Variants in KLHL26 observed in about 807,000 individuals in gnomAD.
KLHL26 encodes kelch-like protein 26.
Under a neutral mutation model 7.1 loss-of-function variants are expected in KLHL26, and 4 were observed. The observed-to-expected ratio is 0.56, with a 90% confidence interval of 0.28 to 1.28. The LOEUF is 1.28. Among genes scored for constraint, KLHL26 ranks in the 50% most tolerant of loss-of-function variants. The pLI is 0.11. For missense variants in KLHL26, 896 were observed against 924.6 expected (o/e 0.97, Z 0.40); for synonymous variants, 465 against 414.1 (o/e 1.12, Z -1.49).
intron 2 of KLHL26, among the ~76,000 whole-genome samples, chr19:18,665,893 C>T (rs1044107146): frequency 6.6e-6 from 1 of 152,190 alleles, no homozygotes; most frequent in Non-Finnish European, 1.5e-5. Flanking sequence ...CCCCGAGGCC[C>T]GGGCCGCCTG....
chr19:18,667,679 C>T lies in KLHL26; in HGVS notation c.282C>T (p.Gly94=), dbSNP rs749758886. 40 of 1,611,062 alleles carry T rather than the reference C, an allele frequency of 2.5e-5. No homozygotes were observed. The East Asian group carries it at 6.7e-4, about 27-fold the overall frequency. ...CSDYFRAMFT[G]GMREASQDVI... is the part of the protein sequence containing the mutation. The stretch of plus-strand genomic sequence containing the variant: ...TGCCCTTCAGGGCCATGTTCACCGG[C>T]GGCATGCGGGAGGCAAGCCAGGACG... The change falls in exon 3 of 3, where the codon GGC becomes GGT. Residue 94 remains glycine (G), a synonymous_variant. Transcript: ENST00000300976.
Position 18,647,207 on chromosome 19 carries a change from G to A in KLHL26, c.83+10070G>A, listed in dbSNP as rs371697533. ...TCAACCTGAATCGTGCAGTGCGATC[G>A]TCACAGCTGGACTGTTTCCACCTGG... On this transcript the variant is annotated intron_variant, in intron 1 of 2. Coordinates refer to ENST00000300976, the MANE Select transcript of KLHL26 (RefSeq NM_018316.3). Among the ~76,000 whole-genome samples, 30 of 152,340 alleles carry A rather than the reference G, an allele frequency of 2.0e-4. No individual in the cohort carries two copies. The East Asian group carries it at 5.2e-3, about 26-fold the overall frequency.
chr19:18,655,435 C>T (rs565938954), intron 1 of KLHL26, among the ~76,000 whole-genome samples: 6 of 152,324 alleles, frequency 3.9e-5, no homozygotes, highest in Non-Finnish European at 5.9e-5. Flanking sequence ...AGGAAGGCCT[C>T]CTTTGGCCAA....
intron 1 of KLHL26, among the ~76,000 whole-genome samples, chr19:18,661,122 C>T (rs1234587403): frequency 2.0e-5 from 3 of 152,170 alleles, no homozygotes; most frequent in Non-Finnish European, 2.9e-5. Flanking sequence ...TGGTCATTTG[C>T]CCCTGCTTTG....
At chr19:18,663,554 A>C (rs1025995713) in intron 1 of KLHL26, among the ~76,000 whole-genome samples, 4 of 151,832 alleles carry the variant, frequency 2.6e-5, no homozygotes, top group Admixed American at 6.6e-5. Flanking sequence ...GGAATGGGAG[A>C]GCAAATTCCA....
intron 1 of KLHL26, among the ~76,000 whole-genome samples, chr19:18,651,305 A>G (rs1286453236): frequency 6.6e-6 from 1 of 151,998 alleles, no homozygotes; most frequent in African/African-American, 2.4e-5. Context: ...TAAAAATCCC[A>G]GGGAAGGCTC....
chr19:18,637,259 G>T, intron 1 of KLHL26, 122 bp downstream of exon 1: 6 of 1,072,252 alleles, frequency 5.6e-6, no homozygotes, highest in Non-Finnish European at 7.1e-6. Flanking sequence ...CTTTCGCTGA[G>T]AATTTGGACT....
At position 18,637,079 on chromosome 19, in the gene KLHL26, G is replaced by A. The variant is rs761307607; in HGVS notation, c.25G>A (p.Gly9Ser). The change falls in exon 1 of 3, where the codon GGT (glycine) becomes AGT (serine). Residue 9 changes from glycine to serine, a missense_variant. By Grantham distance (56) the Gly-to-Ser change is moderately conservative (BLOSUM62 0). Coordinates refer to ENST00000300976, the MANE Select transcript of KLHL26 (RefSeq NM_018316.3). The part of the protein sequence containing the change: MAESGGSS[G>S]GAGGGGAFGA... ...GATGGCGGAGTCCGGCGGTAGCAGC[G>A]GTGGTGCTGGTGGCGGCGGCGCTTT... The A allele has an allele frequency of 7.2e-7, 1 of 1,387,196 alleles. No homozygotes were observed. Among genetic ancestry groups the A allele is most frequent in the Non-Finnish European group, 9.4e-7 (1 of 1,069,134 alleles). The allele number at this position is 1,387,196 out of a possible 1,614,324, so 85.9% of individuals were successfully genotyped here. A position where few individuals can be genotyped will look rare whatever the true frequency, so the allele number is the denominator to read the frequency against.
At position 18,668,597 on chromosome 19, in the gene KLHL26, G is replaced by A; in HGVS notation, c.1200G>A (p.Gln400=). The change falls in exon 3 of 3, where the codon CAG becomes CAA. Residue 400 remains glutamine, a synonymous_variant. Transcript: ENST00000300976. ...LNRWLRLQAM[Q]ESRIQFQLNV... ...GCTGGCTGCGCCTGCAGGCCATGCA[G>A]GAAAGCCGCATCCAGTTCCAGCTGA... The A allele has an allele frequency of 6.3e-7, 1 of 1,589,090 alleles. No homozygotes were observed. Among genetic ancestry groups the A allele is most frequent in the Non-Finnish European group, 8.5e-7 (1 of 1,173,514 alleles).
At chr19:18,642,337 T>TTGTGTGTGTGTG (rs1568453946) in intron 1 of KLHL26, among the ~76,000 whole-genome samples, 9 of 67,656 alleles carry the variant, frequency 1.3e-4, no homozygotes, top group African/African-American at 7.3e-4. Context: ...GCTAGTCACC[T>TTGTGTGTGTGTG]AGTGTGTGTG....
At chr19:18,660,448 G>A (rs955733080) in intron 1 of KLHL26, among the ~76,000 whole-genome samples, 3 of 152,202 alleles carry the variant, frequency 2.0e-5, no homozygotes, top group African/African-American at 7.2e-5. Context: ...GCGGGTGACC[G>A]TCACTCGAGT....
chr19:18,641,297 C>A (rs753681556), intron 1 of KLHL26, among the ~76,000 whole-genome samples: 1 of 138,900 alleles, frequency 7.2e-6, no homozygotes. Context: ...ATGTTTGGGC[C>A]ATTTTTAAGT....
At chr19:18,647,968 C>T (rs1302436698) in intron 1 of KLHL26, among the ~76,000 whole-genome samples, 1 of 152,168 alleles carries the variant, frequency 6.6e-6, no homozygotes, top group Admixed American at 6.5e-5. Context: ...GCATACATGC[C>T]AGCAGGAGTT....
rs1491306652 is a variant in KLHL26, at chr19:18,650,625, GCA to G, written c.83+13491_83+13492del. On this transcript the variant is annotated intron_variant, in intron 1 of 2. Coordinates refer to ENST00000300976, the MANE Select transcript of KLHL26 (RefSeq NM_018316.3). This position sits in a 1 kb window ranked among gnomAD's most constrained non-coding sequence, Gnocchi z 4.2. ...TGTTTATACTCCACGTGAGTCACTT[GCA>G]CAGATGACGGGTGATGTTTTCCTCG... Among the ~76,000 whole-genome samples, 3 of 152,174 alleles carry G rather than the reference GCA, an allele frequency of 2.0e-5. No homozygotes were observed. The highest frequency in any genetic ancestry group is 7.2e-5 in the African/African-American group (3 of 41,430).
rs1274570715 is a variant in KLHL26, at chr19:18,637,066, C to T, written c.12C>T (p.Ser4=). The change falls in exon 1 of 3, where the codon TCC becomes TCT. Residue 4 remains serine, a synonymous_variant. Coordinates refer to ENST00000300976, the MANE Select transcript of KLHL26 (RefSeq NM_018316.3). ...ACGGCGGGGGGAAGATGGCGGAGTC[C>T]GGCGGTAGCAGCGGTGGTGCTGGTG... MAE[S]GGSSGGAGGG... The T allele has an allele frequency of 3.6e-6, 5 of 1,379,848 alleles. No homozygotes were observed. Among genetic ancestry groups the T allele is most frequent in the African/African-American group, 3.0e-5 (2 of 65,874 alleles). 85.5% of individuals were successfully genotyped at this position (1,379,848 alleles called of 1,614,324 possible). A position where few individuals can be genotyped will look rare whatever the true frequency, so the allele number is the denominator to read the frequency against.
rs1976630656 is a variant in KLHL26, at chr19:18,637,051, G to T, written c.-4G>T. 1.5e-6 allele frequency: 2 copies of T among 1,355,962 alleles called. No individual in the cohort carries two copies. The highest frequency in any genetic ancestry group is 1.7e-5 in the South Asian group (1 of 57,494). 84.0% of individuals were successfully genotyped at this position (1,355,962 alleles called of 1,614,324 possible). ...TCACTCGAACGCGCGACGGCGGGGGGAAGATGGCGGAGTCCGGCGGTAGCA... is the reference window on the plus strand; with the variant it reads ...TCACTCGAACGCGCGACGGCGGGGGTAAGATGGCGGAGTCCGGCGGTAGCA... On this transcript the variant is annotated 5_prime_UTR_variant, in exon 1 of 3. Coordinates refer to ENST00000300976, the MANE Select transcript of KLHL26 (RefSeq NM_018316.3).
Position 18,669,090 on chromosome 19 carries a change from G to C in KLHL26, c.1693G>C (p.Gly565Arg). The C allele has an allele frequency of 6.2e-7, 1 of 1,612,878 alleles. No individual in the cohort carries two copies. The highest frequency in any genetic ancestry group is 8.5e-7 in the Non-Finnish European group (1 of 1,179,954). Residue 565 changes from glycine to arginine, a missense_variant, in exon 3 of 3, where the codon GGG becomes CGG. Transcript: ENST00000300976. Reference sequence around the variant, plus strand: ...GCTGGAGAGGAAGATCTACATCGTCGGGGGCTACAACTGGCGTCTCAACAA... The same window carrying C: ...GCTGGAGAGGAAGATCTACATCGTCCGGGGCTACAACTGGCGTCTCAACAA... The part of the protein sequence containing the change: ...CLLERKIYIV[G>R]GYNWRLNNVT...
At chr19:18,638,029 A>G (rs1976649920) in intron 1 of KLHL26, among the ~76,000 whole-genome samples, 1 of 152,174 alleles carries the variant, frequency 6.6e-6, no homozygotes, top group Admixed American at 6.5e-5. Flanking sequence ...GTCAGAGGGA[A>G]AGAACACCTG....
intron 2 of KLHL26, among the ~76,000 whole-genome samples, chr19:18,666,866 C>T (rs571659497): frequency 1.6e-4 from 25 of 152,354 alleles, no homozygotes; most frequent in African/African-American, 5.8e-4. Context: ...ATGGCACCTC[C>T]AGAGCACTGG....
Sources: allele counts gnomAD v4.1 joint callset (sites outside exome capture counted in the v4.1 genomes callset), GRCh38; gene constraint gnomAD v4.1.1; non-coding constraint Gnocchi (gnomAD v3.1); transcripts MANE v1.5; gene names NCBI Gene and HGNC (gene_info 2026-07-23, HGNC 2026-07-21).